The following DPF3 variants were observed in gnomAD, a reference collection of about 807,000 sequenced individuals.
DPF3 encodes the protein double PHD fingers 3.
Under a neutral mutation model 56.8 loss-of-function variants are expected in DPF3, and 18 were observed. The ratio of observed to expected loss-of-function variants is 0.32; its 90% CI spans 0.22 to 0.47. The LOEUF (loss-of-function observed/expected upper bound fraction) is 0.47, where lower values mean the gene tolerates loss of function less well. Ranked by LOEUF, DPF3 falls within the 20% of genes least tolerant of loss-of-function variation. The probability of loss-of-function intolerance (pLI) is 1.00; values close to 1 mark genes in which losing one functional copy is unlikely to be tolerated. For synonymous variants in DPF3, 188 were observed against 180.2 expected (o/e 1.04, Z -0.35); for missense variants, 403 against 488.8 (o/e 0.82, Z 1.65).
chr14:72,629,752 A>C lies in DPF3; in HGVS notation c.872-16T>G, dbSNP rs1384969793. The C allele has an allele frequency of 1.3e-6, 2 of 1,530,370 alleles. No individual in the cohort carries two copies. The highest frequency in any genetic ancestry group is 1.8e-6 in the Non-Finnish European group (2 of 1,141,714). The allele number at this position is 1,530,370 out of a possible 1,614,324, so 94.8% of individuals were successfully genotyped here. On this transcript the variant is annotated splice_polypyrimidine_tract_variant and intron_variant, in intron 8 of 10. Transcript: ENST00000556509. ...GTTGGGTGACCTGGAGGAAGCCAGA[A>C]ACAACAGCATTAGGGCCAAAGTATG...
intron 7 of DPF3, among the ~76,000 whole-genome samples, chr14:72,675,001 C>A (rs1311841989): frequency 6.6e-6 from 1 of 152,200 alleles, no homozygotes; most frequent in Non-Finnish European, 1.5e-5. Flanking sequence ...GTGCCCAAGA[C>A]CCCAAGTGCC....
At chr14:72,630,220 C>T (rs1046387790) in intron 8 of DPF3, among the ~76,000 whole-genome samples, 3 of 152,096 alleles carry the variant, frequency 2.0e-5, no homozygotes, top group African/African-American at 7.2e-5. Context: ...ATGAGGTTTC[C>T]AGGGTCAGTG....
chr14:72,780,321 TCTTA>T (rs1891919245), intron 1 of DPF3, among the ~76,000 whole-genome samples: 3 of 152,180 alleles, frequency 2.0e-5, no homozygotes. Context: ...ACCTTATCTG[TCTTA>T]CTTTATTTTT....
chr14:72,781,980 T>C (rs1199288333), intron 1 of DPF3, among the ~76,000 whole-genome samples: 2 of 152,204 alleles, frequency 1.3e-5, no homozygotes, highest in East Asian at 3.8e-4. Context: ...GTCCACAGAC[T>C]GAGTCCTTCC....
At chr14:72,737,846 G>A (rs1889957430) in intron 3 of DPF3, among the ~76,000 whole-genome samples, 2 of 152,074 alleles carry the variant, frequency 1.3e-5, no homozygotes, top group Non-Finnish European at 2.9e-5. Flanking sequence ...AAGGGAGGGA[G>A]AAATCCCACA....
rs936851803 is a variant in DPF3, at chr14:72,616,516, G to A, written c.*2781C>T. Among the ~76,000 whole-genome samples, 8 of 152,254 alleles carry A rather than the reference G, an allele frequency of 5.3e-5. 1 individual carries two copies. The highest frequency in any genetic ancestry group is 4.1e-4 in the South Asian group (2 of 4,820). On this transcript the variant is annotated 3_prime_UTR_variant, in exon 11 of 11. Transcript: ENST00000556509. ...CATTGGCTAATGCACACAAGAAGGC[G>A]GACATGGAAAACATCCGGAGTTCTT...
chr14:72,723,065 T>C (rs543619623), intron 5 of DPF3, among the ~76,000 whole-genome samples: 2 of 152,246 alleles, frequency 1.3e-5, no homozygotes, highest in South Asian at 2.1e-4. Flanking sequence ...CTTTAAGTTT[T>C]AGGGTACATG....
At chr14:72,892,713 G>T in intron 1 of DPF3, 1 of 1,006,902 alleles carries the variant, frequency 9.9e-7, no homozygotes, top group Non-Finnish European at 1.2e-6. Context: ...GGCATGAACC[G>T]CCCCCCACCC....
At chr14:72,780,826 C>T (rs1891940036) in intron 1 of DPF3, among the ~76,000 whole-genome samples, 1 of 152,160 alleles carries the variant, frequency 6.6e-6, no homozygotes, top group Non-Finnish European at 1.5e-5. Context: ...CAGACCTATG[C>T]CAGGAAAACC....
At chr14:72,861,712 GAAGAAAGAGA>G (rs1885414295) in intron 1 of DPF3, among the ~76,000 whole-genome samples, 1 of 59,122 alleles carries the variant, frequency 1.7e-5, no homozygotes, top group Non-Finnish European at 3.2e-5. Context: ...GAGAGAGAAA[GAAGAAAGAGA>G]GAGAAAGAAA....
chr14:72,626,738 T>C (rs912437073), intron 9 of DPF3, among the ~76,000 whole-genome samples: 1 of 152,140 alleles, frequency 6.6e-6, no homozygotes, highest in East Asian at 1.9e-4. Context: ...ATATTAGCTC[T>C]GTTAGGTATT....
chr14:72,633,603 C>G, intron 8 of DPF3, among the ~76,000 whole-genome samples: 1 of 152,170 alleles, frequency 6.6e-6, no homozygotes, highest in East Asian at 1.9e-4. Flanking sequence ...CACAGGTTCT[C>G]TAGTTTGTCC....
At chr14:72,640,665 T>A (rs1257153423) in intron 8 of DPF3, among the ~76,000 whole-genome samples, 1 of 152,110 alleles carries the variant, frequency 6.6e-6, no homozygotes, top group Non-Finnish European at 1.5e-5. Flanking sequence ...GATTCCTAGG[T>A]TGGGCCACAG....
intron 2 of DPF3, among the ~76,000 whole-genome samples, chr14:72,767,968 C>T (rs1891361808): frequency 6.6e-6 from 1 of 152,106 alleles, no homozygotes; most frequent in African/African-American, 2.4e-5. Flanking sequence ...GATTTCTCAT[C>T]ACTAACCATC....
rs143377237 is a variant in DPF3 at position 72,787,931 on chromosome 14, T to C, written c.33-16038A>G. ...TTTGCCTCTTCTTTTATTTGTCAAA[T>C]ATTTAGAGAATATTCGCCAAAGTGT... is the stretch of plus-strand genomic sequence containing the variant. On this transcript the variant is annotated intron_variant, in intron 1 of 10. Transcript: ENST00000556509. Among the ~76,000 whole-genome samples, 827 of 152,328 alleles carry C rather than the reference T, an allele frequency of 5.4e-3. 10 individuals carry two copies. Among genetic ancestry groups the C allele is most frequent in the Non-Finnish European group, 6.6e-3 (447 of 68,022 alleles).
intron 2 of DPF3, among the ~76,000 whole-genome samples, chr14:72,759,566 A>G (rs1890983600): frequency 2.0e-5 from 3 of 147,486 alleles, no homozygotes; most frequent in Non-Finnish European, 3.0e-5. Flanking sequence ...AAAGGGAGGA[A>G]GGGAGAGAGG....
At chr14:72,766,530 C>T (rs555806364) in intron 2 of DPF3, among the ~76,000 whole-genome samples, 1 of 152,360 alleles carries the variant, frequency 6.6e-6, no homozygotes, top group African/African-American at 2.4e-5. Context: ...TGGCTCACTG[C>T]AGCCTCAAAC....
At chr14:72,781,628 C>T (rs1599435489) in intron 1 of DPF3, among the ~76,000 whole-genome samples, 2 of 149,782 alleles carry the variant, frequency 1.3e-5, no homozygotes, top group African/African-American at 2.5e-5. Context: ...ATACACATCT[C>T]GAGGTTGAAG....
chr14:72,735,101 G>A (rs1014599654), intron 3 of DPF3, among the ~76,000 whole-genome samples: 1 of 151,984 alleles, frequency 6.6e-6, no homozygotes, highest in Non-Finnish European at 1.5e-5. Flanking sequence ...CACCTAATTA[G>A]GCTGCATGGA....
Sources: gnomAD v4.1 joint callset for allele counts (sites outside exome capture counted in the v4.1 genomes callset) on GRCh38, gnomAD v4.1.1 for gene constraint, MANE v1.5 for transcripts, NCBI Gene and HGNC (gene_info 2026-07-23, HGNC 2026-07-21) for gene names.